ABCC10: variants seen among roughly 807,000 people sequenced by gnomAD.
ABCC10 encodes ATP-binding cassette sub-family C member 10.
Under a neutral mutation model 143.2 loss-of-function variants are expected in ABCC10, and 110 were observed. The ratio of observed to expected loss-of-function variants is 0.77; its 90% CI spans 0.66 to 0.90. The LOEUF (loss-of-function observed/expected upper bound fraction) is 0.90. Among genes scored for constraint, ABCC10 ranks in the 40% least tolerant of loss-of-function variants. The pLI is 0.00. For synonymous variants in ABCC10, 805 were observed against 846.7 expected (o/e 0.95, Z 0.85); for missense variants, 1,700 against 1,900.5 (o/e 0.89, Z 1.96).
At chr6:43,442,413 A>G (rs1256814738) in intron 9 of ABCC10, among the ~76,000 whole-genome samples, 1 of 152,210 alleles carries the variant, frequency 6.6e-6, no homozygotes, top group Non-Finnish European at 1.5e-5. Context: ...ACTGAAAAAC[A>G]TACAAAAATT....
At chr6:43,436,630 G>C (rs1322658876) in intron 6 of ABCC10, among the ~76,000 whole-genome samples, 1 of 152,196 alleles carries the variant, frequency 6.6e-6, no homozygotes, top group South Asian at 2.1e-4. Flanking sequence ...TGCAAATGGG[G>C]ATCCTCTGTT....
intron 2 of ABCC10, 82 bp from the exon 3 acceptor site, chr6:43,432,060 A>G (rs1273748030): frequency 2.6e-6 from 4 of 1,553,448 alleles, no homozygotes; most frequent in Non-Finnish European, 3.5e-6. Context: ...TTCCTTAGGT[A>G]AGTGAATTAT....
chr6:43,450,928 C>G, downstream of ABCC10: 1 of 1,614,154 alleles, frequency 6.2e-7, no homozygotes, highest in South Asian at 1.1e-5. The surrounding 1 kb of genome is among the most constrained non-coding windows in gnomAD (Gnocchi z 4.5). Context: ...GTTGGGGGGT[C>G]TGGGACAGGT....
At chr6:43,431,990 C>A (rs1461192307) in intron 2 of ABCC10, 152 bp from the exon 3 acceptor site, 2 of 1,438,648 alleles carry the variant, frequency 1.4e-6, no homozygotes, top group Non-Finnish European at 1.8e-6. Context: ...GGAGAAAAGA[C>A]CCTGGGTTCT....
Position 43,444,224 on chromosome 6 carries a change from T to C in ABCC10, c.2560T>C (p.Ser854Pro), listed in dbSNP as rs752105719. The change falls in exon 12 of 22, where the codon TCT becomes CCT. Residue 854 changes from serine (S) to proline (P), a missense_variant. Coordinates refer to ENST00000372530, the MANE Select transcript of ABCC10 (RefSeq NM_001198934.2). ...GGGGCTGGAGGAGGAGCAGAGCACA[T>C]CTGGTCGCCTGCTGCAGGAAGAAAG... ...KEGLEEEQST[S>P]GRLLQEESKK... 1 of 1,614,072 alleles carries C rather than the reference T, an allele frequency of 6.2e-7. No homozygotes were observed. The highest frequency in any genetic ancestry group is 8.5e-7 in the Non-Finnish European group (1 of 1,179,998).
chr6:43,436,794 C>T (rs1248651754), intron 6 of ABCC10, among the ~76,000 whole-genome samples: 1 of 152,232 alleles, frequency 6.6e-6, no homozygotes, highest in Non-Finnish European at 1.5e-5. Flanking sequence ...TGCCCCACAG[C>T]TCAACCCGGC....
At chr6:43,434,971 C>A in intron 4 of ABCC10, 123 bp downstream of exon 4, 4 of 1,041,788 alleles carry the variant, frequency 3.8e-6, no homozygotes, top group Non-Finnish European at 4.2e-6. Context: ...ATCTCTCAAC[C>A]AAGGGAAAAC....
chr6:43,443,245 C>A lies in ABCC10; in HGVS notation c.2416+86C>A. ...GAAGTACAGACTCTGCCCCCTGCTG[C>A]ATGTGTGCCCTGAGCCAGTCATTGC... On this transcript the variant is annotated intron_variant, in intron 10 of 21. Transcript: ENST00000372530. This position sits in a 1 kb window ranked among gnomAD's most constrained non-coding sequence, Gnocchi z 4.2. 1 of 1,340,710 alleles carries A rather than the reference C, an allele frequency of 7.5e-7. No homozygotes were observed. The highest frequency in any genetic ancestry group is 9.9e-7 in the Non-Finnish European group (1 of 1,013,068). The allele number at this position is 1,340,710 out of a possible 1,614,324, so 83.1% of individuals were successfully genotyped here. A position where few individuals can be genotyped will look rare whatever the true frequency, so the allele number is the denominator to read the frequency against.
rs1783447134 is a variant in ABCC10 at position 43,448,984 on chromosome 6, G to A, written c.4063G>A (p.Ala1355Thr). The A allele has an allele frequency of 1.2e-6, 2 of 1,614,050 alleles. No homozygotes were observed. Among genetic ancestry groups the A allele is most frequent in the Admixed American group, 1.7e-5 (1 of 59,996 alleles). ...GLHKDRALWQ[A>T]LKQCHLSEVI... is the part of the protein sequence containing the mutation. ...ACATAAGGACAGGGCCTTGTGGCAG[G>A]CCCTGAAGCAGTGCCACCTGAGTGA... Residue 1355 changes from alanine (A) to threonine (T), a missense_variant, in exon 19 of 22, where the codon GCC (alanine) becomes ACC (threonine). By Grantham distance (58) the Ala-to-Thr change is moderately conservative. Transcript: ENST00000372530.
chr6:43,442,894 C>T, intron 9 of ABCC10, 76 bp from the exon 10 acceptor site: 1 of 1,345,816 alleles, frequency 7.4e-7, no homozygotes. Flanking sequence ...TCTCAACTGT[C>T]TTCTCTGATC....
At position 43,438,758 on chromosome 6, in the gene ABCC10, A is replaced by C. The variant is rs190495483; in HGVS notation, c.2090A>C (p.Glu697Ala). 2.5e-6 allele frequency: 4 copies of C among 1,614,198 alleles called. No individual in the cohort carries two copies. The East Asian group carries it at 6.7e-5, about 27-fold the overall frequency. The change falls in exon 8 of 22, where the codon GAG becomes GCG. Residue 697 changes from glutamate to alanine, a missense_variant. Physicochemically the swap from Glu to Ala is moderately radical, Grantham distance 107 (BLOSUM62 -1). Coordinates refer to ENST00000372530, the MANE Select transcript of ABCC10 (RefSeq NM_001198934.2). ...ACATTTGATGCACAGCTGTACAAGG[A>C]GGTGCTAGAAGCCTGCGCCCTCAAT... ...GKTFDAQLYK[E>A]VLEACALNDD...
intron 8 of ABCC10, among the ~76,000 whole-genome samples, chr6:43,440,084 G>A (rs941303512): frequency 2.0e-5 from 3 of 152,122 alleles, no homozygotes; most frequent in African/African-American, 7.2e-5. Flanking sequence ...AGCCTCCTGA[G>A]TAGCTGGGAC....
chr6:43,440,138 G>T (rs1388644892), intron 8 of ABCC10, among the ~76,000 whole-genome samples: 1 of 151,662 alleles, frequency 6.6e-6, no homozygotes, highest in Non-Finnish European at 1.5e-5. Flanking sequence ...TGTATTTTTA[G>T]TAGAGATGGG....
chr6:43,447,123 G>A, intron 16 of ABCC10, 125 bp from the exon 17 acceptor site: 1 of 1,282,156 alleles, frequency 7.8e-7, no homozygotes, highest in South Asian at 1.4e-5. Context: ...TGGAATTACA[G>A]GCGTGAGCCA....
chr6:43,451,726 C>T (rs1783752638), downstream of ABCC10, among the ~76,000 whole-genome samples: 1 of 152,042 alleles, frequency 6.6e-6, no homozygotes, highest in South Asian at 2.1e-4. The surrounding 1 kb of genome is among the most constrained non-coding windows in gnomAD (Gnocchi z 4.4). Context: ...CCTCTAGCTC[C>T]TATAGATTGT....
chr6:43,446,645 C>T, intron 16 of ABCC10, 199 bp downstream of exon 16: 1 of 985,314 alleles, frequency 1.0e-6, no homozygotes, highest in Non-Finnish European at 1.2e-6. Context: ...GTGGTGGTGG[C>T]TTGGGGACTA....
rs1056615039 is a variant in ABCC10 at position 43,450,304 on chromosome 6, C to T, written c.*213C>T. On this transcript the variant is annotated 3_prime_UTR_variant, in exon 22 of 22. Transcript: ENST00000372530. This position sits in a 1 kb window ranked among gnomAD's most constrained non-coding sequence, Gnocchi z 4.5. ...CCAGAACCAGGCCTCTGCTCTGGCCCTCTTGCATCTGGAACGCCAGGTGGG... is the reference window on the plus strand; with the variant it reads ...CCAGAACCAGGCCTCTGCTCTGGCCTTCTTGCATCTGGAACGCCAGGTGGG... 5 of 823,506 alleles carry T rather than the reference C, an allele frequency of 6.1e-6. No individual in the cohort carries two copies. In the African/African-American group the frequency reaches 7.0e-5, roughly 11 times the overall value. The allele number at this position is 823,506 out of a possible 1,614,324, so 51.0% of individuals were successfully genotyped here. A position where few individuals can be genotyped will look rare whatever the true frequency, so the allele number is the denominator to read the frequency against.
chr6:43,451,383 C>G, downstream of ABCC10: 1 of 1,364,944 alleles, frequency 7.3e-7, no homozygotes, highest in Non-Finnish European at 9.8e-7. This position sits in a 1 kb window ranked among gnomAD's most constrained non-coding sequence, Gnocchi z 4.4. Flanking sequence ...GCTACACACT[C>G]CGAGCCTCAA....
In ABCC10 at chr6:43,434,819, C is replaced by G. The variant is rs573202769; in HGVS notation, c.1579C>G (p.Leu527Val). The G allele has an allele frequency of 6.2e-7, 1 of 1,614,160 alleles. No homozygotes were observed. The highest frequency in any genetic ancestry group is 8.5e-7 in the Non-Finnish European group (1 of 1,180,014). ...ISIVIFITYV[L>V]MGHQLTATKV... ...CATCGTTATCTTCATCACCTATGTC[C>G]TCATGGGGCACCAGCTCACTGCCAC... The change falls in exon 4 of 22, where the codon CTC (leucine) becomes GTC (valine). Residue 527 changes from leucine to valine, a missense_variant. Physicochemically the swap from Leu to Val is conservative, Grantham distance 32. Transcript: ENST00000372530.
Sources: gnomAD v4.1 joint callset for allele counts (sites outside exome capture counted in the v4.1 genomes callset) on GRCh38, gnomAD v4.1.1 for gene constraint, Gnocchi (gnomAD v3.1) non-coding constraint, MANE v1.5 for transcripts, NCBI Gene and HGNC (gene_info 2026-07-23, HGNC 2026-07-21) for gene names.